MBNL2: variants seen among roughly 807,000 people sequenced by gnomAD.
MBNL2 encodes the protein muscleblind-like protein 2.
MBNL2 carries 17 observed loss-of-function variants against 41.9 expected under a neutral mutation model. That is an observed-to-expected ratio of 0.41 (90% CI 0.28 to 0.61). The LOEUF (loss-of-function observed/expected upper bound fraction) is 0.61, where lower values mean the gene tolerates loss of function less well. MBNL2 is among the 20% of genes least tolerant of loss of function. The probability of loss-of-function intolerance (pLI) is 0.35; values close to 1 mark genes in which losing one functional copy is unlikely to be tolerated. For missense variants in MBNL2, 336 were observed against 505.6 expected (o/e 0.66, Z 3.22); for synonymous variants, 195 against 182.9 (o/e 1.07, Z -0.53).
At chr13:97,164,670 A>G in the MBNL2 span, among the ~76,000 whole-genome samples, 2 of 152,006 alleles carry the variant, frequency 1.3e-5, no homozygotes, top group African/African-American at 4.8e-5. Context: ...ATTATCCTTT[A>G]AGACAGAGCC....
chr13:97,300,678 C>G (rs2057531793), intron 2 of MBNL2, among the ~76,000 whole-genome samples: 1 of 152,174 alleles, frequency 6.6e-6, no homozygotes, highest in South Asian at 2.1e-4. Flanking sequence ...TCTTCTTTTT[C>G]ACCTTCAACA....
At chr13:97,218,419 C>CAAAAAAAAAA (rs142053801), upstream of MBNL2, among the ~76,000 whole-genome samples, 1 of 24,958 alleles carries the variant, frequency 4.0e-5, no homozygotes, top group Non-Finnish European at 7.8e-5. Context: ...CAAAAAAAAA[C>CAAAAAAAAAA]AAAAACAAAA....
chr13:97,218,884 G>A (rs948384197), upstream of MBNL2, among the ~76,000 whole-genome samples: 1 of 151,174 alleles, frequency 6.6e-6, no homozygotes, highest in African/African-American at 2.4e-5. Flanking sequence ...CGTGTGCCAC[G>A]AACATACTAG....
At chr13:97,190,180 T>G in the MBNL2 span, among the ~76,000 whole-genome samples, 1 of 152,230 alleles carries the variant, frequency 6.6e-6, no homozygotes, top group South Asian at 2.1e-4. Flanking sequence ...CAGCCCTTCC[T>G]GAAAGCAACC....
chr13:97,216,016 G>A, the MBNL2 span, among the ~76,000 whole-genome samples: 4 of 152,148 alleles, frequency 2.6e-5, no homozygotes, highest in Admixed American at 2.6e-4. Flanking sequence ...CATGCTTTAT[G>A]CAATTTGCTT....
chr13:97,184,657 A>G, the MBNL2 span, among the ~76,000 whole-genome samples: 1 of 152,062 alleles, frequency 6.6e-6, no homozygotes, highest in East Asian at 1.9e-4. Flanking sequence ...TAATTTTTGT[A>G]TTTTTAGTAG....
the MBNL2 span, among the ~76,000 whole-genome samples, chr13:97,209,842 C>T: frequency 6.6e-6 from 1 of 152,218 alleles, no homozygotes; most frequent in African/African-American, 2.4e-5. Context: ...GTCACCCAGG[C>T]TGCAGTGCAG....
the MBNL2 span, among the ~76,000 whole-genome samples, chr13:97,160,945 C>T: frequency 7.6e-4 from 115 of 152,202 alleles, no homozygotes; most frequent in Non-Finnish European, 1.1e-3. Flanking sequence ...CTGTCCAAGA[C>T]TAAAGATGGA....
intron 3 of MBNL2, among the ~76,000 whole-genome samples, chr13:97,335,594 T>C (rs2060811933): frequency 6.6e-6 from 1 of 152,042 alleles, no homozygotes; most frequent in South Asian, 2.1e-4. Context: ...GTAAAAGAAA[T>C]GCCAGGTGCA....
intron 4 of MBNL2, among the ~76,000 whole-genome samples, chr13:97,344,690 C>A (rs768996841): frequency 6.6e-6 from 1 of 152,184 alleles, no homozygotes; most frequent in Non-Finnish European, 1.5e-5. Context: ...ACTGAATAGA[C>A]CTTTCACAGG....
At chr13:97,150,177 G>A in the MBNL2 span, among the ~76,000 whole-genome samples, 8,456 of 152,268 alleles carry the variant, frequency 0.056, 783 homozygotes, top group African/African-American at 0.19. Flanking sequence ...GAATCAGCAA[G>A]GCTTTCTACT....
intron 1 of MBNL2, among the ~76,000 whole-genome samples, chr13:97,262,027 G>C (rs993125933): frequency 6.6e-6 from 1 of 152,358 alleles, no homozygotes; most frequent in Non-Finnish European, 1.5e-5. Context: ...GGAAGGGTCA[G>C]GGGAGAAGCA....
At chr13:97,374,864 C>T (rs187257021) in intron 8 of MBNL2, among the ~76,000 whole-genome samples, 75 of 152,232 alleles carry the variant, frequency 4.9e-4, no homozygotes, top group Middle Eastern at 3.4e-3. Context: ...GTGTTTATTT[C>T]CAGCTCTAGA....
intron 2 of MBNL2, among the ~76,000 whole-genome samples, chr13:97,317,778 C>T (rs540982940): frequency 1.2e-4 from 18 of 152,244 alleles, no homozygotes; most frequent in East Asian, 9.6e-4. Context: ...AAAATATACT[C>T]GATCACTTTA....
At chr13:97,206,916 T>G in the MBNL2 span, among the ~76,000 whole-genome samples, 79 of 152,328 alleles carry the variant, frequency 5.2e-4, 4 homozygotes, top group South Asian at 0.013. Context: ...AGCAAGTTAT[T>G]TAACTTGGCT....
At chr13:97,280,139 C>T (rs559241366) in intron 2 of MBNL2, among the ~76,000 whole-genome samples, 3 of 152,276 alleles carry the variant, frequency 2.0e-5, no homozygotes, top group Admixed American at 2.0e-4. Context: ...AGGCCTTGAC[C>T]ACATTAACCG....
chr13:97,385,651 A>G (rs575786351), intron 8 of MBNL2, among the ~76,000 whole-genome samples: 7 of 152,324 alleles, frequency 4.6e-5, no homozygotes, highest in Non-Finnish European at 7.3e-5. Flanking sequence ...TTTACATAAG[A>G]AGTATAAACA....
the MBNL2 span, among the ~76,000 whole-genome samples, chr13:97,167,439 T>C: frequency 0.1 from 15,442 of 150,004 alleles, 883 homozygotes; most frequent in South Asian, 0.16. Context: ...AACCAGAAAG[T>C]AGATATTTTT....
At chr13:97,181,087 C>T in the MBNL2 span, among the ~76,000 whole-genome samples, 3 of 151,942 alleles carry the variant, frequency 2.0e-5, no homozygotes. Context: ...CTCTCTCTCT[C>T]TCTCTCTCCC....
Sources: allele counts gnomAD v4.1 joint callset (sites outside exome capture counted in the v4.1 genomes callset), GRCh38; gene constraint gnomAD v4.1.1; transcripts MANE v1.5; gene names NCBI Gene and HGNC (gene_info 2026-07-23, HGNC 2026-07-21).